RNF175: variants seen among roughly 807,000 people sequenced by gnomAD.
RNF175 encodes ring finger protein 175.
Under a neutral mutation model 50.0 loss-of-function variants are expected in RNF175, and 38 were observed. The observed-to-expected ratio is 0.76, with a 90% CI of 0.59 to 1.00. The LOEUF is 1.00. Ranked by LOEUF, RNF175 falls within the 50% of genes least tolerant of loss-of-function variation. The pLI is 0.00. For synonymous variants in RNF175, 155 were observed against 146.1 expected (o/e 1.06, Z -0.44); for missense variants, 388 against 409.6 (o/e 0.95, Z 0.46).
intron 7 of RNF175, chr4:153,714,445 C>T (rs536836715): frequency 1.3e-5 from 2 of 152,300 alleles, no homozygotes; most frequent in African/African-American, 4.8e-5. Flanking sequence ...CCAGATTAAA[C>T]AGAATTGAAT....
intron 3 of RNF175, among the ~76,000 whole-genome samples, chr4:153,730,630 C>T (rs1029829002): frequency 6.6e-6 from 1 of 151,994 alleles, no homozygotes; most frequent in African/African-American, 2.4e-5. Context: ...TTGCATTTTT[C>T]CTCTTTCTAT....
At chr4:153,712,444 T>G (rs753684945) in intron 8 of RNF175, 31 bp downstream of exon 8, 1 of 1,222,888 alleles carries the variant, frequency 8.2e-7, no homozygotes, top group Non-Finnish European at 1.2e-6. Context: ...TTCAAGATAA[T>G]CTCTTATAAC....
chr4:153,740,703 T>C (rs1477614205), intron 3 of RNF175, among the ~76,000 whole-genome samples: 4 of 152,244 alleles, frequency 2.6e-5, no homozygotes, highest in African/African-American at 7.2e-5. Flanking sequence ...CCTGGTCTGA[T>C]AATTCCAAAA....
intron 4 of RNF175, among the ~76,000 whole-genome samples, chr4:153,726,926 G>A (rs911763637): frequency 7.9e-5 from 12 of 152,160 alleles, no homozygotes; most frequent in East Asian, 5.8e-4. Context: ...GAAAGAGAGC[G>A]GACATATGCA....
intron 1 of RNF175, among the ~76,000 whole-genome samples, chr4:153,755,870 AAC>A (rs976005782): frequency 6.6e-6 from 1 of 152,252 alleles, no homozygotes; most frequent in African/African-American, 2.4e-5. Context: ...ACAAAATGAT[AAC>A]ACAGATTCAT....
At chr4:153,750,860 TATAAA>T (rs1197044729) in intron 2 of RNF175, among the ~76,000 whole-genome samples, 2 of 152,140 alleles carry the variant, frequency 1.3e-5, no homozygotes, top group African/African-American at 2.4e-5. Flanking sequence ...TTTGCATAGA[TATAAA>T]ATAAAATATG....
At chr4:153,721,646 T>C (rs187367141) in intron 5 of RNF175, among the ~76,000 whole-genome samples, 3 of 152,284 alleles carry the variant, frequency 2.0e-5, no homozygotes, top group African/African-American at 7.2e-5. Context: ...ATGATAATCA[T>C]CAAGTAGTGA....
At chr4:153,754,062 CAGG>C (rs943906737) in intron 1 of RNF175, among the ~76,000 whole-genome samples, 41 of 151,258 alleles carry the variant, frequency 2.7e-4, no homozygotes, top group Non-Finnish European at 5.0e-4. Flanking sequence ...CCCAGCTACT[CAGG>C]AGGATGCGGT....
intron 3 of RNF175, among the ~76,000 whole-genome samples, chr4:153,741,038 G>C (rs1739628311): frequency 1.3e-5 from 2 of 152,152 alleles, no homozygotes; most frequent in Admixed American, 1.3e-4. Context: ...CTAACTTTTG[G>C]CTATTACGCT....
chr4:153,728,736 G>A (rs745771836), intron 3 of RNF175, among the ~76,000 whole-genome samples: 17 of 152,148 alleles, frequency 1.1e-4, no homozygotes, highest in Admixed American at 1.3e-4. Flanking sequence ...TCACTGAGGC[G>A]GGGATCAAAC....
intron 3 of RNF175, among the ~76,000 whole-genome samples, chr4:153,736,286 T>C (rs1417944763): frequency 2.6e-5 from 4 of 152,248 alleles, no homozygotes; most frequent in Admixed American, 1.3e-4. Flanking sequence ...AATTGTTGAG[T>C]CAGCCTTTCA....
At chr4:153,743,867 A>G (rs1345218037) in intron 3 of RNF175, among the ~76,000 whole-genome samples, 5 of 152,178 alleles carry the variant, frequency 3.3e-5, no homozygotes, top group Admixed American at 3.3e-4. Flanking sequence ...ACTCCAGCTA[A>G]CTAACAGAGG....
intron 5 of RNF175, among the ~76,000 whole-genome samples, chr4:153,722,146 T>C (rs1356134973): frequency 6.6e-6 from 1 of 152,200 alleles, no homozygotes. Flanking sequence ...GGGGGATTTG[T>C]ATTTGAGCTG....
chr4:153,751,343 T>A, intron 2 of RNF175, 95 bp downstream of exon 2: 1 of 928,088 alleles, frequency 1.1e-6, no homozygotes, highest in Non-Finnish European at 1.7e-6. Context: ...CTGGAAAATT[T>A]ACAAATAAAA....
intron 3 of RNF175, among the ~76,000 whole-genome samples, chr4:153,738,954 A>C (rs957607521): frequency 6.6e-6 from 1 of 152,230 alleles, no homozygotes; most frequent in African/African-American, 2.4e-5. Flanking sequence ...GTCCGTTCTC[A>C]AATAACACTT....
At chr4:153,723,690 T>C (rs1312191828) in intron 4 of RNF175, among the ~76,000 whole-genome samples, 1 of 152,224 alleles carries the variant, frequency 6.6e-6, no homozygotes, top group African/African-American at 2.4e-5. Context: ...TGAATTCTTT[T>C]TAAATTTGTC....
intron 1 of RNF175, among the ~76,000 whole-genome samples, chr4:153,752,926 CTG>C (rs1740366595): frequency 6.6e-6 from 1 of 152,154 alleles, no homozygotes; most frequent in South Asian, 2.1e-4. Context: ...CTAGTAATAA[CTG>C]TGTTTAAAAA....
At chr4:153,737,926 G>C (rs754237757) in intron 3 of RNF175, among the ~76,000 whole-genome samples, 1 of 152,144 alleles carries the variant, frequency 6.6e-6, no homozygotes, top group Non-Finnish European at 1.5e-5. Flanking sequence ...TGGTCAATTT[G>C]TTGATTTCTC....
At chr4:153,734,665 CTTTTT>C (rs56211482) in intron 3 of RNF175, among the ~76,000 whole-genome samples, 4 of 73,182 alleles carry the variant, frequency 5.5e-5, no homozygotes, top group African/African-American at 1.7e-4. Context: ...TTTTTTTATT[CTTTTT>C]TTTTTTTTTT....
Sources: allele counts gnomAD v4.1 joint callset (sites outside exome capture counted in the v4.1 genomes callset), GRCh38; gene constraint gnomAD v4.1.1; transcripts MANE v1.5; gene names NCBI Gene and HGNC (gene_info 2026-07-23, HGNC 2026-07-21).